FRAS1: variants seen among roughly 807,000 people sequenced by gnomAD.
The protein encoded by FRAS1 is Fraser extracellular matrix complex subunit 1, also known as extracellular matrix organizing protein FRAS1.
FRAS1 carries 290 observed loss-of-function variants against 435.2 expected under a neutral mutation model. That is an observed-to-expected ratio of 0.67 (90% CI 0.61 to 0.73). The LOEUF (loss-of-function observed/expected upper bound fraction) is 0.73, where lower values mean the gene tolerates loss of function less well. Among genes scored for constraint, FRAS1 ranks in the 30% least tolerant of loss-of-function variants. The probability of loss-of-function intolerance (pLI) is 0.00; values close to 1 mark genes in which losing one functional copy is unlikely to be tolerated. For synonymous variants in FRAS1, 1,800 were observed against 1,851.0 expected, an observed-to-expected ratio of 0.97 and a Z score of 0.71; for missense variants, 4,860 against 5,001.5, an observed-to-expected ratio of 0.97 and a Z score of 0.85.
rs765107089 is a variant in FRAS1, at chr4:78,148,231, G to A, written c.108+82215G>A. 3.9e-5 allele frequency among the ~76,000 whole-genome samples: 6 copies of A among 152,082 alleles called. No homozygotes were observed. In the East Asian group the frequency reaches 5.8e-4, roughly 15 times the overall value. On this transcript the variant is annotated intron_variant, in intron 2 of 73. Coordinates refer to ENST00000512123, the MANE Select transcript of FRAS1 (RefSeq NM_025074.7). ...CGTAGAATCATATACTTTTGGACCT[G>A]GAAAGTAGCTTAAGGACCATCTGAT...
intron 47 of FRAS1, among the ~76,000 whole-genome samples, chr4:78,454,528 G>A (rs1425861609): frequency 8.5e-5 from 13 of 152,208 alleles, no homozygotes; most frequent in African/African-American, 3.1e-4. Context: ...TAAGTTTGCA[G>A]AGCAGCACCC....
intron 2 of FRAS1, among the ~76,000 whole-genome samples, chr4:78,222,131 C>G (rs1283174237): frequency 6.6e-6 from 1 of 152,100 alleles, no homozygotes; most frequent in Non-Finnish European, 1.5e-5. Context: ...GCTCAAGGCA[C>G]TGGTTGATTC....
chr4:78,436,154 A>G (rs960142165), intron 38 of FRAS1, among the ~76,000 whole-genome samples: 1 of 152,102 alleles, frequency 6.6e-6, no homozygotes, highest in African/African-American at 2.4e-5. Context: ...AAAATATAAC[A>G]CTCCTGCAGA....
chr4:78,479,162 T>C, intron 55 of FRAS1, among the ~76,000 whole-genome samples: 1 of 152,234 alleles, frequency 6.6e-6, no homozygotes, highest in Non-Finnish European at 1.5e-5. Context: ...CATTTTGAGT[T>C]GTTTGATGAA....
At chr4:78,114,861 A>C (rs1743035472) in intron 2 of FRAS1, among the ~76,000 whole-genome samples, 1 of 152,192 alleles carries the variant, frequency 6.6e-6, no homozygotes, top group Non-Finnish European at 1.5e-5. Flanking sequence ...AACTTCCAAC[A>C]CTATGTTGAA....
At chr4:78,519,920 T>G (rs899685008) in intron 67 of FRAS1, among the ~76,000 whole-genome samples, 1 of 152,214 alleles carries the variant, frequency 6.6e-6, no homozygotes, top group African/African-American at 2.4e-5. Context: ...TAGCCCACTT[T>G]ATTCATTTGG....
At chr4:78,120,889 G>T (rs184957073) in intron 2 of FRAS1, among the ~76,000 whole-genome samples, 1 of 152,164 alleles carries the variant, frequency 6.6e-6, no homozygotes, top group Non-Finnish European at 1.5e-5. Flanking sequence ...AGGTGGGGGG[G>T]ATGGAGTTAC....
At chr4:78,213,817 C>T (rs189451297) in intron 2 of FRAS1, among the ~76,000 whole-genome samples, 1 of 152,156 alleles carries the variant, frequency 6.6e-6, no homozygotes, top group African/African-American at 2.4e-5. Context: ...TCCTCTATTG[C>T]TTTTGTTCAG....
rs566851690 is a variant in FRAS1, at chr4:78,304,493, T to C, written c.1535-3573T>C. Among the ~76,000 whole-genome samples, 33 of 152,296 alleles carry C rather than the reference T, an allele frequency of 2.2e-4. No individual in the cohort carries two copies. The South Asian group carries it at 6.4e-3, about 30-fold the overall frequency. On this transcript the variant is annotated intron_variant, in intron 14 of 73. Transcript: ENST00000512123. ...GCATTCGGCTGTGAATCCATCTGGT[T>C]CTGGACTCTTTTTGTTTGGTAAGCT...
intron 2 of FRAS1, among the ~76,000 whole-genome samples, chr4:78,151,520 A>G (rs890437283): frequency 2.0e-5 from 3 of 152,138 alleles, no homozygotes; most frequent in African/African-American, 4.8e-5. Flanking sequence ...GGGAGGCAGT[A>G]TGTTTCAGGG....
At chr4:78,239,299 C>T (rs1724901599) in intron 3 of FRAS1, among the ~76,000 whole-genome samples, 1 of 152,132 alleles carries the variant, frequency 6.6e-6, no homozygotes, top group Non-Finnish European at 1.5e-5. Context: ...CACTTTCTCC[C>T]ACATCCCATA....
intron 2 of FRAS1, among the ~76,000 whole-genome samples, chr4:78,075,743 T>C (rs555588319): frequency 6.6e-6 from 1 of 152,326 alleles, no homozygotes; most frequent in East Asian, 1.9e-4. Context: ...ATGCTCGCAA[T>C]TGAGAATACT....
At chr4:78,525,748 T>C (rs1721514641) in intron 69 of FRAS1, among the ~76,000 whole-genome samples, 1 of 152,218 alleles carries the variant, frequency 6.6e-6, no homozygotes, top group African/African-American at 2.4e-5. Context: ...AATGCTTGGC[T>C]GCCTTCCAGG....
intron 2 of FRAS1, among the ~76,000 whole-genome samples, chr4:78,104,766 A>G (rs1742304418): frequency 6.6e-6 from 1 of 152,196 alleles, no homozygotes. Context: ...TTTCAACTGA[A>G]TGGGGGAGAA....
At chr4:78,385,276 G>A (rs1406803158) in intron 28 of FRAS1, among the ~76,000 whole-genome samples, 1 of 152,180 alleles carries the variant, frequency 6.6e-6, no homozygotes, top group African/African-American at 2.4e-5. Flanking sequence ...AAGCAAGAGA[G>A]TGGAATATTC....
intron 70 of FRAS1, among the ~76,000 whole-genome samples, chr4:78,529,432 A>G (rs1721644986): frequency 6.6e-6 from 1 of 151,984 alleles, no homozygotes; most frequent in Admixed American, 6.6e-5. Context: ...CATTACCAGT[A>G]CTCCTTCAAT....
intron 2 of FRAS1, among the ~76,000 whole-genome samples, chr4:78,077,506 T>G (rs967142034): frequency 6.6e-6 from 1 of 152,176 alleles, no homozygotes; most frequent in Non-Finnish European, 1.5e-5. Flanking sequence ...TATTGCATAG[T>G]AGTGAAGTCA....
intron 10 of FRAS1, among the ~76,000 whole-genome samples, chr4:78,279,040 T>C (rs1490938860): frequency 1.3e-5 from 2 of 152,126 alleles, no homozygotes. Context: ...ACAGTGCAAG[T>C]GGGCTAGACA....
chr4:78,194,458 G>C (rs921457845), intron 2 of FRAS1, among the ~76,000 whole-genome samples: 4 of 152,168 alleles, frequency 2.6e-5, no homozygotes, highest in African/African-American at 9.7e-5. Flanking sequence ...TTTCTTGGAG[G>C]CTTTGCTCGT....
Sources: allele counts gnomAD v4.1 joint callset (sites outside exome capture counted in the v4.1 genomes callset), GRCh38; gene constraint gnomAD v4.1.1; transcripts MANE v1.5; gene names NCBI Gene and HGNC (gene_info 2026-07-23, HGNC 2026-07-21).